PTPRN2: variants seen among roughly 807,000 people sequenced by gnomAD.
PTPRN2 encodes protein tyrosine phosphatase receptor type N2, also known as receptor-type tyrosine-protein phosphatase N2.
PTPRN2 carries 74 observed loss-of-function variants against 118.8 expected under a neutral mutation model. The ratio of observed to expected loss-of-function variants is 0.62; its 90% CI spans 0.52 to 0.76. The LOEUF (loss-of-function observed/expected upper bound fraction) is 0.76, where lower values mean the gene tolerates loss of function less well. PTPRN2 is among the 30% of genes least tolerant of loss of function. PTPRN2 has a pLI of 0.00. For synonymous variants in PTPRN2, 641 were observed against 608.0 expected (o/e 1.05, Z -0.80); for missense variants, 1,481 against 1,394.4 (o/e 1.06, Z -0.99).
chr7:157,961,548 T>A (rs1354335751), intron 11 of PTPRN2, among the ~76,000 whole-genome samples: 5 of 149,492 alleles, frequency 3.3e-5, no homozygotes, highest in Non-Finnish European at 5.9e-5. Flanking sequence ...AAAAAAAAAT[T>A]ATAAAAAGTC....
intron 11 of PTPRN2, among the ~76,000 whole-genome samples, chr7:157,952,250 GACA>G (rs1360752025): frequency 7.9e-5 from 12 of 152,278 alleles, no homozygotes; most frequent in South Asian, 2.1e-4. Context: ...AACCCCGCAG[GACA>G]ACTTAGGAGG....
intron 3 of PTPRN2, among the ~76,000 whole-genome samples, chr7:158,214,035 T>C (rs547210638): frequency 5.3e-5 from 8 of 152,236 alleles, no homozygotes; most frequent in African/African-American, 1.7e-4. Flanking sequence ...CTGTATACCT[T>C]AGCCCAGCCA....
chr7:158,265,888 G>A, intron 3 of PTPRN2, among the ~76,000 whole-genome samples: 1 of 152,252 alleles, frequency 6.6e-6, no homozygotes, highest in East Asian at 1.9e-4. Flanking sequence ...ATCAGAGTCT[G>A]CGTGGGGGCT....
chr7:158,270,357 G>A (rs1396731806), intron 3 of PTPRN2, among the ~76,000 whole-genome samples: 2 of 152,292 alleles, frequency 1.3e-5, no homozygotes, highest in East Asian at 3.9e-4. Context: ...GGGAGCACAG[G>A]CATGGTTCTC....
Position 158,565,133 on chromosome 7 carries a change from A to G in PTPRN2, c.112+22425T>C, listed in dbSNP as rs1367617023. 5.9e-5 allele frequency among the ~76,000 whole-genome samples: 9 copies of G among 152,220 alleles called. No homozygotes were observed. Among genetic ancestry groups the G allele is most frequent in the South Asian group, 2.1e-4 (1 of 4,830 alleles). On this transcript the variant is annotated intron_variant, in intron 1 of 22. Transcript: ENST00000389418. This position sits in a 1 kb window ranked among gnomAD's most constrained non-coding sequence, Gnocchi z 4.6. ...AACAAGGCATGGAGGCTTCTGCTCT[A>G]TAAAACTATGAGGTTCCCAGGAACA...
chr7:157,543,676 G>A (rs566684853), intron 22 of PTPRN2, among the ~76,000 whole-genome samples: 2 of 152,240 alleles, frequency 1.3e-5, no homozygotes, highest in South Asian at 2.1e-4. Flanking sequence ...GGGTGGAGAT[G>A]TACAAATAGG....
At chr7:158,323,891 TCA>T (rs1417250258) in intron 2 of PTPRN2, among the ~76,000 whole-genome samples, 2 of 152,270 alleles carry the variant, frequency 1.3e-5, no homozygotes, top group African/African-American at 4.8e-5. Context: ...ACACACATTT[TCA>T]CACACTTCTC....
intron 12 of PTPRN2, among the ~76,000 whole-genome samples, chr7:157,873,086 G>A (rs1197806655): frequency 2.6e-5 from 4 of 152,364 alleles, no homozygotes; most frequent in Middle Eastern, 3.4e-3. Flanking sequence ...CCTCACCCGA[G>A]CCCTGTCTCC....
At chr7:158,407,094 A>G (rs1040376614) in intron 2 of PTPRN2, among the ~76,000 whole-genome samples, 2 of 151,884 alleles carry the variant, frequency 1.3e-5, no homozygotes, top group Non-Finnish European at 2.9e-5. Flanking sequence ...CGGGCTGCAG[A>G]CAAGCCCAGC....
intron 2 of PTPRN2, among the ~76,000 whole-genome samples, chr7:158,441,069 GTGA>G (rs1817058355): frequency 1.4e-5 from 2 of 140,302 alleles, no homozygotes; most frequent in South Asian, 2.2e-4. Context: ...GGGGGTGGTA[GTGA>G]TGGTGGTGCT....
intron 13 of PTPRN2, among the ~76,000 whole-genome samples, chr7:157,659,891 C>T (rs1174136950): frequency 6.6e-6 from 1 of 152,066 alleles, no homozygotes; most frequent in Non-Finnish European, 1.5e-5. Context: ...ATTACAGGCG[C>T]CTGCCACCAC....
intron 12 of PTPRN2, chr7:157,866,209 G>C (rs577177101): frequency 6.6e-6 from 1 of 152,294 alleles, no homozygotes; most frequent in South Asian, 2.1e-4. Flanking sequence ...CCATGAGCCG[G>C]GGCTCAAATC....
intron 9 of PTPRN2, among the ~76,000 whole-genome samples, chr7:158,130,932 T>G (rs546690819): frequency 6.8e-5 from 10 of 146,794 alleles, no homozygotes; most frequent in African/African-American, 2.3e-4. Flanking sequence ...TACACACACA[T>G]GCATATGCAC....
chr7:158,057,743 C>G (rs1307655921), intron 11 of PTPRN2, among the ~76,000 whole-genome samples: 1 of 152,204 alleles, frequency 6.6e-6, no homozygotes, highest in Non-Finnish European at 1.5e-5. Flanking sequence ...CTCCCCAAAG[C>G]TCCTCAGCGT....
At chr7:158,094,362 T>G (rs1814451869) in intron 10 of PTPRN2, among the ~76,000 whole-genome samples, 2 of 152,172 alleles carry the variant, frequency 1.3e-5, no homozygotes, top group African/African-American at 4.8e-5. Context: ...CAGGCTGCAG[T>G]GCAATGGCGT....
At chr7:157,749,897 G>A (rs1263924140) in intron 12 of PTPRN2, among the ~76,000 whole-genome samples, 5 of 148,530 alleles carry the variant, frequency 3.4e-5, no homozygotes, top group African/African-American at 1.2e-4. Context: ...GGGTGTCTGG[G>A]TGATTCTGAG....
At chr7:158,187,658 A>G (rs953600820) in intron 5 of PTPRN2, among the ~76,000 whole-genome samples, 2 of 152,232 alleles carry the variant, frequency 1.3e-5, no homozygotes, top group African/African-American at 2.4e-5. Flanking sequence ...AGAAGCATCT[A>G]TCTTAACAAA....
intron 3 of PTPRN2, among the ~76,000 whole-genome samples, chr7:158,313,057 GGTTT>G (rs1308638539): frequency 6.6e-6 from 1 of 151,948 alleles, no homozygotes; most frequent in Non-Finnish European, 1.5e-5. Context: ...TGTGTGTGCA[GGTTT>G]GTCTGCGTGT....
At chr7:158,051,608 T>G (rs1459981237) in intron 11 of PTPRN2, among the ~76,000 whole-genome samples, 2 of 152,256 alleles carry the variant, frequency 1.3e-5, no homozygotes, top group East Asian at 3.8e-4. Context: ...ATCCATGTCG[T>G]GCTCCCCCGG....
Sources: allele counts gnomAD v4.1 joint callset (sites outside exome capture counted in the v4.1 genomes callset), GRCh38; gene constraint gnomAD v4.1.1; non-coding constraint Gnocchi (gnomAD v3.1); transcripts MANE v1.5; gene names NCBI Gene and HGNC (gene_info 2026-07-23, HGNC 2026-07-21).